AGMO: variants seen among roughly 807,000 people sequenced by gnomAD.
AGMO encodes the protein alkylglycerol monooxygenase.
A neutral mutation model predicts 60.2 loss-of-function variants in AGMO; 75 were observed. The observed-to-expected ratio is 1.25, with a 90% CI of 1.03 to 1.51. The LOEUF is 1.51. Ranked by LOEUF, AGMO falls within the 40% of genes most tolerant of loss-of-function variation. The pLI, the probability that AGMO is intolerant of heterozygous loss-of-function variation, is 0.00. For synonymous variants in AGMO, 261 were observed against 177.1 expected (o/e 1.47, Z -3.76); for missense variants, 763 against 525.5 (o/e 1.45, Z -4.42).
intron 10 of AGMO, among the ~76,000 whole-genome samples, chr7:15,379,096 G>C (rs1244423592): frequency 1.3e-5 from 2 of 151,970 alleles, no homozygotes; most frequent in African/African-American, 4.8e-5. Flanking sequence ...CAACATACCA[G>C]AATCTCTAGG....
chr7:15,123,190 T>A, the AGMO span, among the ~76,000 whole-genome samples: 16 of 152,112 alleles, frequency 1.1e-4, no homozygotes, highest in African/African-American at 3.9e-4. Flanking sequence ...GAAACTCATC[T>A]GCTCAATGAT....
intron 3 of AGMO, among the ~76,000 whole-genome samples, chr7:15,432,335 T>TATATATACATACATAC (rs1554271554): frequency 7.3e-6 from 1 of 136,642 alleles, no homozygotes; most frequent in African/African-American, 2.7e-5. Context: ...TATGTATATA[T>TATATATACATACATAC]ATATATATAT....
intron 2 of AGMO, among the ~76,000 whole-genome samples, chr7:15,547,874 A>G (rs576670761): frequency 1.3e-5 from 2 of 151,966 alleles, no homozygotes; most frequent in Admixed American, 6.5e-5. Context: ...GGCACAGACA[A>G]ACAAAAAGAC....
chr7:15,270,490 CTTGT>C (rs1480520173), intron 12 of AGMO, among the ~76,000 whole-genome samples: 11 of 149,994 alleles, frequency 7.3e-5, no homozygotes, highest in African/African-American at 2.0e-4. Flanking sequence ...GTCTTGTTGA[CTTGT>C]TTGAGTTCCT....
chr7:15,215,542 TAG>T (rs1781711778), intron 12 of AGMO, among the ~76,000 whole-genome samples: 1 of 151,988 alleles, frequency 6.6e-6, no homozygotes, highest in South Asian at 2.1e-4. Flanking sequence ...ATGTGTTTTA[TAG>T]AGACTGCAAA....
intron 12 of AGMO, among the ~76,000 whole-genome samples, chr7:15,251,411 C>G (rs1159890514): frequency 6.6e-6 from 1 of 152,022 alleles, no homozygotes; most frequent in African/African-American, 2.4e-5. Flanking sequence ...GATGAAAGAG[C>G]TAAGAAGCCA....
intron 12 of AGMO, among the ~76,000 whole-genome samples, chr7:15,287,252 A>C (rs1784124174): frequency 6.6e-6 from 1 of 152,154 alleles, no homozygotes; most frequent in South Asian, 2.1e-4. Context: ...AAAAACATGA[A>C]ACCATGGGCA....
At chr7:15,524,314 A>C (rs1168342685) in intron 3 of AGMO, among the ~76,000 whole-genome samples, 2 of 152,130 alleles carry the variant, frequency 1.3e-5, no homozygotes, top group African/African-American at 2.4e-5. Flanking sequence ...AAAAGGAATA[A>C]TAGATTTTTT....
intron 10 of AGMO, among the ~76,000 whole-genome samples, chr7:15,381,359 G>C (rs375336835): frequency 2.0e-5 from 3 of 151,900 alleles, no homozygotes; most frequent in Non-Finnish European, 2.9e-5. Flanking sequence ...CCATAAAAAA[G>C]TGGGCGAAGA....
intron 5 of AGMO, among the ~76,000 whole-genome samples, chr7:15,405,156 A>T (rs1037600007): frequency 6.6e-6 from 1 of 151,738 alleles, no homozygotes. Flanking sequence ...TTATTAATAC[A>T]TCCATTCTGA....
At chr7:15,371,430 G>A (rs1783209381) in intron 10 of AGMO, among the ~76,000 whole-genome samples, 1 of 150,216 alleles carries the variant, frequency 6.7e-6, no homozygotes, top group Non-Finnish European at 1.5e-5. Flanking sequence ...CGTTCTTGTT[G>A]CCCAGGCTGG....
chr7:15,377,747 A>T (rs1783509640), intron 10 of AGMO, among the ~76,000 whole-genome samples: 1 of 152,054 alleles, frequency 6.6e-6, no homozygotes, highest in African/African-American at 2.4e-5. Context: ...TCTATTAATG[A>T]TGTAGATTTT....
At chr7:15,175,468 G>A in the AGMO span, among the ~76,000 whole-genome samples, 1 of 151,834 alleles carries the variant, frequency 6.6e-6, no homozygotes, top group Non-Finnish European at 1.5e-5. Context: ...GTTTACAGTG[G>A]AAGAAAACAA....
chr7:15,359,719 T>C (rs1583455030), intron 12 of AGMO, among the ~76,000 whole-genome samples: 1 of 152,206 alleles, frequency 6.6e-6, no homozygotes, highest in African/African-American at 2.4e-5. Context: ...CTGGGTTGAG[T>C]AATCCACATT....
At chr7:15,118,173 AAC>A in the AGMO span, among the ~76,000 whole-genome samples, 1,496 of 144,666 alleles carry the variant, frequency 0.01, 36 homozygotes, top group African/African-American at 0.036. Context: ...ACTAAAGAGA[AAC>A]ACACACACAC....
chr7:15,146,826 T>C, the AGMO span, among the ~76,000 whole-genome samples: 1 of 152,168 alleles, frequency 6.6e-6, no homozygotes, highest in African/African-American at 2.4e-5. Context: ...CAGTAGCATC[T>C]CAAAATCAGT....
intron 4 of AGMO, among the ~76,000 whole-genome samples, chr7:15,426,442 A>G (rs566208203): frequency 6.6e-6 from 1 of 152,054 alleles, no homozygotes; most frequent in Non-Finnish European, 1.5e-5. Context: ...AACCAACCAA[A>G]CAAACAAACA....
rs545758504 is a variant in AGMO at position 15,270,338 on chromosome 7, C to CA, written c.1264-68980dup. 3.7e-3 allele frequency among the ~76,000 whole-genome samples: 564 copies of CA among 151,956 alleles called. 5 individuals are homozygous for CA. The highest frequency in any genetic ancestry group is 0.013 in the African/African-American group (539 of 41,480). ...CATTCTGAATGGTATGAGATGATAT[C>CA]ATATTGAGATTTTAATTTACATTTC... On this transcript the variant is annotated intron_variant, in intron 12 of 12. Coordinates refer to ENST00000342526, the MANE Select transcript of AGMO (RefSeq NM_001004320.2).
At chr7:15,372,480 TAC>T (rs1228450150) in intron 10 of AGMO, among the ~76,000 whole-genome samples, 1 of 152,088 alleles carries the variant, frequency 6.6e-6, no homozygotes, top group Non-Finnish European at 1.5e-5. Flanking sequence ...AAATAAATTC[TAC>T]AAATTCATTC....
Sources: allele counts gnomAD v4.1 joint callset (sites outside exome capture counted in the v4.1 genomes callset), GRCh38; gene constraint gnomAD v4.1.1; transcripts MANE v1.5; gene names NCBI Gene and HGNC (gene_info 2026-07-23, HGNC 2026-07-21).